Variants in FARP1 observed in about 807,000 individuals in gnomAD.
FARP1 encodes FERM, ARH/RhoGEF and pleckstrin domain protein 1, also known as FERM, ARHGEF and pleckstrin domain-containing protein 1.
In FARP1, 52 loss-of-function variants were observed where a neutral mutation model predicts 128.8. The observed-to-expected ratio is 0.40, with a 90% CI of 0.32 to 0.51. FARP1 has a LOEUF of 0.51. FARP1 is among the 20% of genes least tolerant of loss of function. The pLI is 0.45. For missense variants in FARP1, 1,333 were observed against 1,367.9 expected (o/e 0.97, Z 0.40); for synonymous variants, 580 against 551.8 (o/e 1.05, Z -0.72).
chr13:98,279,344 A>G (rs1448450498), intron 2 of FARP1, among the ~76,000 whole-genome samples: 1 of 142,102 alleles, frequency 7.0e-6, no homozygotes, highest in Admixed American at 6.7e-5. Flanking sequence ...GAATGTTGAA[A>G]TAATAATGAT....
At chr13:98,357,520 T>TCAG (rs1315116828) in intron 3 of FARP1, among the ~76,000 whole-genome samples, 1 of 152,246 alleles carries the variant, frequency 6.6e-6, no homozygotes, top group Non-Finnish European at 1.5e-5. Flanking sequence ...GGAATGCTGA[T>TCAG]CTGCTGTTAC....
chr13:98,228,228 C>T (rs1259847775), intron 2 of FARP1, among the ~76,000 whole-genome samples: 9 of 152,084 alleles, frequency 5.9e-5, no homozygotes, highest in East Asian at 1.9e-4. Flanking sequence ...GGCATGGTGG[C>T]GGGCGCCTGT....
At chr13:98,414,540 C>T (rs149959037) in intron 16 of FARP1, among the ~76,000 whole-genome samples, 9 of 152,306 alleles carry the variant, frequency 5.9e-5, no homozygotes, top group African/African-American at 1.9e-4. Flanking sequence ...TCTAGATCTG[C>T]ACCTCTCAGC....
rs772057395 is a variant in FARP1, at chr13:98,395,326, C to G, written c.1264C>G (p.Pro422Ala). 3 of 1,610,372 alleles carry G rather than the reference C, an allele frequency of 1.9e-6. No homozygotes were observed. The African/African-American group carries it at 4.0e-5, about 21-fold the overall frequency. The change falls in exon 13 of 27, where the codon CCG (proline) becomes GCG (alanine). Residue 422 changes from proline (P) to alanine (A), a missense_variant. Around this residue, in one of 2 missense-constraint regions of FARP1, gnomAD observed 1,009 missense variants for 969.8 expected, o/e 1.04. Transcript: ENST00000319562. ...GKEPKVSAGE[P>A]GSHPSPAPRR... ...GGAACCGAAGGTTTCCGCCGGGGAG[C>G]CGGGGTCGCACCCGAGCCCTGCGCC...
At chr13:98,444,957 G>C (rs1301119140) in intron 24 of FARP1, among the ~76,000 whole-genome samples, 4 of 152,230 alleles carry the variant, frequency 2.6e-5, no homozygotes, top group Non-Finnish European at 4.4e-5. Flanking sequence ...GCCACTGGGG[G>C]AGGAGGATGG....
At chr13:98,314,028 G>C (rs185563096) in intron 2 of FARP1, among the ~76,000 whole-genome samples, 99 of 152,332 alleles carry the variant, frequency 6.5e-4, no homozygotes, top group African/African-American at 2.4e-3. Context: ...GGTCCCTCTT[G>C]TGTAACACGG....
At chr13:98,287,321 C>T (rs1885228346) in intron 2 of FARP1, among the ~76,000 whole-genome samples, 1 of 147,494 alleles carries the variant, frequency 6.8e-6, no homozygotes, top group African/African-American at 2.6e-5. Context: ...CCTTCTCCTC[C>T]CGGGTTCATG....
At chr13:98,310,805 GT>G (rs10528506) in intron 2 of FARP1, among the ~76,000 whole-genome samples, 13,990 of 152,174 alleles carry the variant, frequency 0.092, 920 homozygotes, top group African/African-American at 0.18. Flanking sequence ...GATTTTATTT[GT>G]CTTAAGTTTC....
At chr13:98,219,599 T>C (rs956882640) in intron 2 of FARP1, among the ~76,000 whole-genome samples, 3 of 152,162 alleles carry the variant, frequency 2.0e-5, no homozygotes, top group Non-Finnish European at 4.4e-5. Flanking sequence ...TCCCAAAGTA[T>C]TGGGATGACG....
At chr13:98,219,847 T>C (rs958627579) in intron 2 of FARP1, among the ~76,000 whole-genome samples, 1 of 151,912 alleles carries the variant, frequency 6.6e-6, no homozygotes, top group Admixed American at 6.6e-5. Flanking sequence ...TTTTTACTTT[T>C]TGTAGAGACA....
chr13:98,344,002 G>T, intron 3 of FARP1, 136 bp downstream of exon 3: 1 of 669,706 alleles, frequency 1.5e-6, no homozygotes, highest in South Asian at 1.7e-5. Flanking sequence ...TTCAAATCTG[G>T]TGTGTATTTG....
intron 5 of FARP1, among the ~76,000 whole-genome samples, chr13:98,375,753 C>T (rs373369384): frequency 1.1e-4 from 17 of 152,200 alleles, no homozygotes; most frequent in African/African-American, 3.4e-4. Context: ...CTCAGCCTCC[C>T]GAGTAGCTGG....
intron 2 of FARP1, among the ~76,000 whole-genome samples, chr13:98,289,688 G>T (rs1885359029): frequency 1.3e-5 from 2 of 152,156 alleles, no homozygotes; most frequent in African/African-American, 4.8e-5. Flanking sequence ...TCTTGGTGTG[G>T]ACTGTGCACT....
intron 3 of FARP1, among the ~76,000 whole-genome samples, chr13:98,359,268 A>G (rs1454047728): frequency 6.6e-6 from 1 of 152,156 alleles, no homozygotes; most frequent in Non-Finnish European, 1.5e-5. Context: ...TTAAATGAGA[A>G]TGTGTGAAGC....
intron 22 of FARP1, 28 bp downstream of exon 22, chr13:98,440,071 T>A: frequency 1.2e-6 from 2 of 1,609,288 alleles, no homozygotes; most frequent in Non-Finnish European, 1.7e-6. Flanking sequence ...CCCTTGCCTG[T>A]TTCCCCTTTG....
At chr13:98,361,674 G>A (rs559191547) in intron 3 of FARP1, among the ~76,000 whole-genome samples, 5 of 152,288 alleles carry the variant, frequency 3.3e-5, no homozygotes, top group South Asian at 2.1e-4. Context: ...GAAACAGAAG[G>A]CATCAGAGAG....
chr13:98,267,764 C>T (rs543538860), intron 2 of FARP1, among the ~76,000 whole-genome samples: 1 of 152,308 alleles, frequency 6.6e-6, no homozygotes, highest in African/African-American at 2.4e-5. Flanking sequence ...GCAGGACGTG[C>T]TGGGTTCCTG....
At chr13:98,429,192 G>A (rs1168941505) in intron 17 of FARP1, among the ~76,000 whole-genome samples, 2 of 152,242 alleles carry the variant, frequency 1.3e-5, no homozygotes, top group African/African-American at 4.8e-5. Flanking sequence ...ACAGCAGTGA[G>A]TGCGGGAGGA....
chr13:98,244,019 T>C (rs1566787123), intron 2 of FARP1, among the ~76,000 whole-genome samples: 1 of 152,154 alleles, frequency 6.6e-6, no homozygotes, highest in Non-Finnish European at 1.5e-5. Flanking sequence ...TTTTTTTTCC[T>C]AAGCAATCTC....
Sources: gnomAD v4.1 joint callset for allele counts (sites outside exome capture counted in the v4.1 genomes callset) on GRCh38, gnomAD v4.1.1 for gene constraint, gnomAD v4.1.1 regional missense constraint, MANE v1.5 for transcripts, NCBI Gene and HGNC (gene_info 2026-07-23, HGNC 2026-07-21) for gene names.